Variants in ZNF24 observed in about 807,000 individuals in gnomAD.
ZNF24 encodes the protein zinc finger protein 24.
ZNF24 carries 11 observed loss-of-function variants against 40.9 expected under a neutral mutation model. The observed-to-expected ratio is 0.27, with a 90% CI of 0.17 to 0.45. The LOEUF (loss-of-function observed/expected upper bound fraction) is 0.45, where lower values mean the gene tolerates loss of function less well. Among genes scored for constraint, ZNF24 ranks in the 20% least tolerant of loss-of-function variants. The probability of loss-of-function intolerance (pLI) is 1.00; values close to 1 mark genes in which losing one functional copy is unlikely to be tolerated. For missense variants in ZNF24, 293 were observed against 437.7 expected, an observed-to-expected ratio of 0.67 and a Z score of 2.95; for synonymous variants, 139 against 154.7, an observed-to-expected ratio of 0.90 and a Z score of 0.75.
chr18:35,339,916 C>G lies in ZNF24; in HGVS notation c.481G>C (p.Ala161Pro). ...LVEDMVSQEEAQGLPSSELDA... is the reference protein window; with the variant it reads ...LVEDMVSQEEPQGLPSSELDA... ...AGCTCAGAACTTGGTAATCCCTGAG[C>G]TTCTTCTTGAGATACCATGTCTTCT... Residue 161 changes from alanine (A) to proline (P), a missense_variant, in exon 3 of 4, where the codon GCT becomes CCT. Ala to Pro is a conservative substitution (Grantham distance 27, BLOSUM62 -1). Coordinates refer to ENST00000261332, the MANE Select transcript of ZNF24 (RefSeq NM_006965.4). 3 of 1,613,618 alleles carry G rather than the reference C, an allele frequency of 1.9e-6. No individual in the cohort carries two copies. In the South Asian group the frequency reaches 3.3e-5, roughly 18 times the overall value.
chr18:35,337,626 C>T lies in ZNF24; in HGVS notation c.713G>A (p.Arg238Lys), dbSNP rs750561326. Residue 238 changes from arginine (R) to lysine (K), a missense_variant, in exon 4 of 4, where the codon AGG (arginine) becomes AAG (lysine). This residue lies in a region of ZNF24 where 234 missense variants were observed against 299.2 expected (regional missense o/e 0.78). Transcript: ENST00000261332. Reference protein sequence around the residue: ...KYGETCFPKGRFERKRNPSRK... With the variant: ...KYGETCFPKGKFERKRNPSRK... Reference sequence around the variant, plus strand: ...AGAGGGATTTCTCTTTCTTTCAAACCTGCCCTTGGGGAAACAGGTTTCTCC... The same window carrying T: ...AGAGGGATTTCTCTTTCTTTCAAACTTGCCCTTGGGGAAACAGGTTTCTCC... 14 of 1,614,018 alleles carry T rather than the reference C, an allele frequency of 8.7e-6. No individual in the cohort carries two copies. The South Asian group carries it at 1.3e-4, about 15-fold the overall frequency.
intron 3 of ZNF24, among the ~76,000 whole-genome samples, chr18:35,339,350 A>C (rs1312223169): frequency 6.6e-6 from 1 of 152,230 alleles, no homozygotes; most frequent in Non-Finnish European, 1.5e-5. Context: ...TCTACAAAAG[A>C]AGCTTCTTAG....
rs971105150 is a variant in ZNF24, at chr18:35,333,690, T to C, written c.*3542A>G. On this transcript the variant is annotated 3_prime_UTR_variant, in exon 4 of 4. Coordinates refer to ENST00000261332, the MANE Select transcript of ZNF24 (RefSeq NM_006965.4). Reference sequence around the variant, plus strand: ...TTCTTACTAATGATGGAGTTGTAAATTGGTGAAATCTTTTTGGTAGTAGTT... The same window carrying C: ...TTCTTACTAATGATGGAGTTGTAAACTGGTGAAATCTTTTTGGTAGTAGTT... 6.6e-6 allele frequency: 1 copy of C among 152,168 alleles called. No homozygotes were observed. Among genetic ancestry groups the C allele is most frequent in the South Asian group, 2.1e-4 (1 of 4,830 alleles). The allele number at this position is 152,168 out of a possible 1,614,324, so 9.4% of individuals were successfully genotyped here.
intron 3 of ZNF24, chr18:35,339,192 G>T: frequency 1.5e-6 from 1 of 668,686 alleles, no homozygotes; most frequent in Admixed American, 2.6e-5. Flanking sequence ...TGGTGTTAAT[G>T]GCTAATATAT....
Position 35,337,575 on chromosome 18 carries a change from T to C in ZNF24, c.764A>G (p.Glu255Gly). Residue 255 changes from glutamate (E) to glycine (G), a missense_variant, in exon 4 of 4, where the codon GAA becomes GGA. By Grantham distance (98) the Glu-to-Gly change is moderately conservative (BLOSUM62 -2). Transcript: ENST00000261332. ...GCCCTGACTGAAGTGTTTTCCACAT[T>C]CATCACATATATGTTGTTTCTTTCG... ...PSRKKQHICD[E>G]CGKHFSQGSA... is the part of the protein sequence containing the mutation. 2 of 1,614,184 alleles carry C rather than the reference T, an allele frequency of 1.2e-6. No homozygotes were observed. Among genetic ancestry groups the C allele is most frequent in the Non-Finnish European group, 1.7e-6 (2 of 1,180,008 alleles).
At chr18:35,338,277 C>T in intron 3 of ZNF24, 2 of 985,540 alleles carry the variant, frequency 2.0e-6, no homozygotes, top group Non-Finnish European at 2.4e-6. Flanking sequence ...AAAAGCAGAA[C>T]ACAGGAGTCT....
intron 3 of ZNF24, chr18:35,338,576 A>C (rs892605099): frequency 1.0e-6 from 1 of 987,614 alleles, no homozygotes; most frequent in Non-Finnish European, 1.2e-6. Flanking sequence ...TTAAGGAGTA[A>C]AGATCCAGTT....
rs1417080598 is a variant in ZNF24, at chr18:35,336,542, TTA to T, written c.*688_*689del. The T allele has an allele frequency of 1.3e-5, 2 of 152,198 alleles. No homozygotes were observed. The highest frequency in any genetic ancestry group is 2.4e-5 in the African/African-American group (1 of 41,450). 9.4% of individuals were successfully genotyped at this position (152,198 alleles called of 1,614,324 possible). ...TTTTCATTAGTAAGATGACTCCAAA[TTA>T]TAGAGAGGATGAGTAGCTTTTGAAT... is the stretch of plus-strand genomic sequence containing the variant. On this transcript the variant is annotated 3_prime_UTR_variant, in exon 4 of 4. Transcript: ENST00000261332.
intron 1 of ZNF24, among the ~76,000 whole-genome samples, chr18:35,341,756 C>T (rs978399330): frequency 1.3e-5 from 2 of 152,162 alleles, no homozygotes; most frequent in South Asian, 2.1e-4. Flanking sequence ...CAATGGTTCA[C>T]ACCTGTAATC....
chr18:35,341,388 T>C (rs1484702989), intron 1 of ZNF24, among the ~76,000 whole-genome samples: 3 of 152,248 alleles, frequency 2.0e-5, no homozygotes, highest in Admixed American at 2.0e-4. Flanking sequence ...CACATACAGT[T>C]ATGTATGGTA....
At chr18:35,339,015 GCTCAGAC>G in intron 3 of ZNF24, 1 of 1,535,864 alleles carries the variant, frequency 6.5e-7, no homozygotes, top group Non-Finnish European at 8.7e-7. Flanking sequence ...AAGAAAACCT[GCTCAGAC>G]CTCATTCAGT....
Position 35,340,580 on chromosome 18 carries a change from A to G in ZNF24, c.71T>C (p.Leu24Pro), listed in dbSNP as rs1239413180. 6.2e-7 allele frequency: 1 copy of G among 1,614,202 alleles called. No homozygotes were observed. Among genetic ancestry groups the G allele is most frequent in the Non-Finnish European group, 8.5e-7 (1 of 1,180,046 alleles). ...IPTPDEEEKI[L>P]RVKLEEDPDG... ...AGGATCCTCCTCCAACTTCACTCTC[A>G]GAATTTTTTCCTCTTCATCTGGAGT... is the stretch of plus-strand genomic sequence containing the variant. Residue 24 changes from leucine (L) to proline (P), a missense_variant, in exon 2 of 4, where the codon CTG becomes CCG. Coordinates refer to ENST00000261332, the MANE Select transcript of ZNF24 (RefSeq NM_006965.4). The surrounding 1 kb of genome is among the most constrained non-coding windows in gnomAD (Gnocchi z 4.6).
At position 35,334,781 on chromosome 18, in the gene ZNF24, T is replaced by A. The variant is rs911428979; in HGVS notation, c.*2451A>T. The A allele has an allele frequency of 6.6e-6, 1 of 152,238 alleles. No homozygotes were observed. Among genetic ancestry groups the A allele is most frequent in the Non-Finnish European group, 1.5e-5 (1 of 68,040 alleles). 9.4% of individuals were successfully genotyped at this position (152,238 alleles called of 1,614,324 possible). A position where few individuals can be genotyped will look rare whatever the true frequency, so the allele number is the denominator to read the frequency against. On this transcript the variant is annotated 3_prime_UTR_variant, in exon 4 of 4. Transcript: ENST00000261332. The stretch of plus-strand genomic sequence containing the variant: ...CACTACATAGTATTTAAAATCAATT[T>A]GTCTAGTGGGGACTAAGCCTAACCA...
At chr18:35,342,614 G>C (rs528307841) in intron 1 of ZNF24, 1 of 151,304 alleles carries the variant, frequency 6.6e-6, no homozygotes, top group South Asian at 2.1e-4. Flanking sequence ...CAAATAGTTA[G>C]CATTGTGTTA....
rs1477013025 is a variant in ZNF24 at position 35,340,767 on chromosome 18, G to A, written c.-83-34C>T. On this transcript the variant is annotated intron_variant, in intron 1 of 3. Coordinates refer to ENST00000261332, the MANE Select transcript of ZNF24 (RefSeq NM_006965.4). The surrounding 1 kb of genome is among the most constrained non-coding windows in gnomAD (Gnocchi z 4.6). Reference sequence around the variant, plus strand: ...TAAGAAATAAAAGATATATAAATAAGCAAAAATATCCTAAGAATTTGAACT... The same window carrying A: ...TAAGAAATAAAAGATATATAAATAAACAAAAATATCCTAAGAATTTGAACT... 2.0e-5 allele frequency: 18 copies of A among 882,392 alleles called. No individual in the cohort carries two copies. The East Asian group carries it at 4.3e-4, about 21-fold the overall frequency. 54.7% of individuals were successfully genotyped at this position (882,392 alleles called of 1,614,324 possible).
In ZNF24 at chr18:35,335,131, A is replaced by G. The variant is rs2044893842; in HGVS notation, c.*2101T>C. 6.6e-6 allele frequency: 1 copy of G among 152,196 alleles called. No homozygotes were observed. The highest frequency in any genetic ancestry group is 6.5e-5 in the Admixed American group (1 of 15,274). The allele number at this position is 152,196 out of a possible 1,614,324, so 9.4% of individuals were successfully genotyped here. A position where few individuals can be genotyped will look rare whatever the true frequency, so the allele number is the denominator to read the frequency against. On this transcript the variant is annotated 3_prime_UTR_variant, in exon 4 of 4. Coordinates refer to ENST00000261332, the MANE Select transcript of ZNF24 (RefSeq NM_006965.4). ...CTCCCTTCTTACCTACTCTGATACAAGAATTCTGTCATTCCAGCCGTCTTC... is the reference window on the plus strand; with the variant it reads ...CTCCCTTCTTACCTACTCTGATACAGGAATTCTGTCATTCCAGCCGTCTTC...
chr18:35,337,162 T>A lies in ZNF24; in HGVS notation c.*70A>T. 7.9e-7 allele frequency: 1 copy of A among 1,269,030 alleles called. No homozygotes were observed. The highest frequency in any genetic ancestry group is 1.0e-6 in the Non-Finnish European group (1 of 961,364). The allele number at this position is 1,269,030 out of a possible 1,614,324, so 78.6% of individuals were successfully genotyped here. ...GAAAAAACTATTCTGCATCATTTCATATTTTAAATTTTGTCTTCATTTCTG... is the reference window on the plus strand; with the variant it reads ...GAAAAAACTATTCTGCATCATTTCAAATTTTAAATTTTGTCTTCATTTCTG... On this transcript the variant is annotated 3_prime_UTR_variant, in exon 4 of 4. Transcript: ENST00000261332.
chr18:35,339,966 C>T lies in ZNF24; in HGVS notation c.431G>A (p.Arg144His), dbSNP rs746008107. 1.9e-5 allele frequency: 30 copies of T among 1,607,876 alleles called. 1 individual carries two copies. The highest frequency in any genetic ancestry group is 1.3e-4 in the East Asian group (6 of 44,646). Residue 144 changes from arginine to histidine, a missense_variant, in exon 3 of 4, where the codon CGT becomes CAT. Around this residue, in one of 2 missense-constraint regions of ZNF24, gnomAD observed 234 missense variants for 299.2 expected, o/e 0.78. Coordinates refer to ENST00000261332, the MANE Select transcript of ZNF24 (RefSeq NM_006965.4). ...LDDPGQPVSLRRRKREVLVED... is the reference protein window; with the variant it reads ...LDDPGQPVSLHRRKREVLVED... ...TACTAGTACTTCCCGTTTTCGTCGACGGAGAGAAACCTGGAAACAGAAAGA... is the reference window on the plus strand; with the variant it reads ...TACTAGTACTTCCCGTTTTCGTCGATGGAGAGAAACCTGGAAACAGAAAGA...
At position 35,337,591 on chromosome 18, in the gene ZNF24, G is replaced by C; in HGVS notation, c.748C>G (p.Gln250Glu). Residue 250 changes from glutamine to glutamate, a missense_variant, in exon 4 of 4, where the codon CAA (glutamine) becomes GAA (glutamate). By Grantham distance (29) the Gln-to-Glu change is conservative (BLOSUM62 2). Around this residue, in one of 2 missense-constraint regions of ZNF24, gnomAD observed 234 missense variants for 299.2 expected, o/e 0.78. Coordinates refer to ENST00000261332, the MANE Select transcript of ZNF24 (RefSeq NM_006965.4). ...ERKRNPSRKK[Q>E]HICDECGKHF... ...TTTCCACATTCATCACATATATGTT[G>C]TTTCTTTCGAGAGGGATTTCTCTTT... 6.2e-7 allele frequency: 1 copy of C among 1,614,100 alleles called. No homozygotes were observed. The highest frequency in any genetic ancestry group is 8.5e-7 in the Non-Finnish European group (1 of 1,179,980).
Sources: allele counts gnomAD v4.1 joint callset (sites outside exome capture counted in the v4.1 genomes callset), GRCh38; gene constraint gnomAD v4.1.1; regional missense constraint gnomAD v4.1.1; non-coding constraint Gnocchi (gnomAD v3.1); transcripts MANE v1.5; gene names NCBI Gene and HGNC (gene_info 2026-07-23, HGNC 2026-07-21).